The following EGFLAM variants were observed in gnomAD, a reference collection of about 807,000 sequenced individuals.
EGFLAM encodes the protein pikachurin.
Under a neutral mutation model 113.1 loss-of-function variants are expected in EGFLAM, and 79 were observed. The ratio of observed to expected loss-of-function variants is 0.70; its 90% CI spans 0.58 to 0.84. EGFLAM has a LOEUF of 0.84. EGFLAM is among the 40% of genes least tolerant of loss of function. The probability of loss-of-function intolerance (pLI) is 0.00; values close to 1 mark genes in which losing one functional copy is unlikely to be tolerated. For synonymous variants in EGFLAM, 504 were observed against 487.6 expected, an observed-to-expected ratio of 1.03 and a Z score of -0.44; for missense variants, 1,265 against 1,291.6, an observed-to-expected ratio of 0.98 and a Z score of 0.32.
intron 6 of EGFLAM, among the ~76,000 whole-genome samples, chr5:38,370,947 G>C (rs1004490084): frequency 2.6e-5 from 4 of 152,182 alleles, no homozygotes; most frequent in Non-Finnish European, 5.9e-5. Flanking sequence ...AGCTGGGGCT[G>C]TAGCCAATGG....
chr5:38,376,970 C>T (rs538007819), intron 6 of EGFLAM, among the ~76,000 whole-genome samples: 52 of 151,958 alleles, frequency 3.4e-4, no homozygotes, highest in Non-Finnish European at 7.4e-4. Flanking sequence ...GTGCTCGACC[C>T]CAGGCTTCTG....
At chr5:38,362,979 A>G (rs1338177978) in intron 5 of EGFLAM, among the ~76,000 whole-genome samples, 3 of 152,158 alleles carry the variant, frequency 2.0e-5, no homozygotes, top group Non-Finnish European at 4.4e-5. Context: ...GTGCTCTCCT[A>G]TTGCCCCACC....
In EGFLAM at chr5:38,324,322, C is replaced by T. The variant is rs527548478; in HGVS notation, c.98-13198C>T. ...GTTCACCACCTTTCTGTACCTAAAA[C>T]TTATCTCTAGCCCATAGGCGGTCCC... is the stretch of plus-strand genomic sequence containing the variant. On this transcript the variant is annotated intron_variant, in intron 1 of 21. Transcript: ENST00000322350. Among the ~76,000 whole-genome samples the T allele has an allele frequency of 2.1e-3, 320 of 152,288 alleles. 3 individuals are homozygous for T. Among genetic ancestry groups the T allele is most frequent in the Non-Finnish European group, 1.3e-3 (89 of 68,028 alleles).
At chr5:38,417,376 A>C (rs1456629277) in intron 11 of EGFLAM, among the ~76,000 whole-genome samples, 3 of 151,588 alleles carry the variant, frequency 2.0e-5, no homozygotes, top group Non-Finnish European at 2.9e-5. Flanking sequence ...AAAACAAAAA[A>C]AAAAGGCCAA....
At chr5:38,419,426 TC>T (rs1007094012) in intron 12 of EGFLAM, among the ~76,000 whole-genome samples, 5 of 152,098 alleles carry the variant, frequency 3.3e-5, no homozygotes, top group Admixed American at 1.3e-4. Flanking sequence ...GAATCTCTTT[TC>T]CCTCCATCTC....
intron 1 of EGFLAM, among the ~76,000 whole-genome samples, chr5:38,319,288 CT>C (rs1312583989): frequency 2.0e-5 from 3 of 152,128 alleles, no homozygotes; most frequent in East Asian, 3.9e-4. Context: ...GCTTGACCCC[CT>C]GATTTCTTTT....
rs1016321335 is a variant in EGFLAM, at chr5:38,447,157, C to T, written c.2465-1144C>T. Reference sequence around the variant, plus strand: ...GCCTCATCCCCCGTTCATGACATCACACACAGCTACTTAAACTCTTCTTTT... The same window carrying T: ...GCCTCATCCCCCGTTCATGACATCATACACAGCTACTTAAACTCTTCTTTT... On this transcript the variant is annotated intron_variant, in intron 17 of 21. Transcript: ENST00000322350. Among the ~76,000 whole-genome samples the T allele has an allele frequency of 2.6e-5, 4 of 152,186 alleles. No individual in the cohort carries two copies. In the East Asian group the frequency reaches 7.7e-4, roughly 29 times the overall value.
At chr5:38,454,293 C>T (rs545816419) in intron 19 of EGFLAM, among the ~76,000 whole-genome samples, 18 of 152,266 alleles carry the variant, frequency 1.2e-4, no homozygotes, top group African/African-American at 4.3e-4. Flanking sequence ...CCGGGTGTTT[C>T]CGGGACCCAT....
intron 17 of EGFLAM, 22 bp from the exon 18 acceptor site, chr5:38,448,279 T>C (rs902744901): frequency 5.6e-6 from 9 of 1,613,976 alleles, no homozygotes; most frequent in Admixed American, 1.7e-5. Flanking sequence ...CTATGTAACC[T>C]CCTTTTTCTG....
rs1461608711 is a variant in EGFLAM, at chr5:38,462,926, G to A, written c.2790G>A (p.Lys930=). 1.2e-6 allele frequency: 2 copies of A among 1,614,182 alleles called. No homozygotes were observed. The highest frequency in any genetic ancestry group is 2.2e-5 in the East Asian group (1 of 44,884). ...TTTGCAGGGATGGCCAGTCAGGAAA[G>A]ATAACCGTGGATGACTATGGAGCCA... ...VKAVRDGQSG[K]ITVDDYGART... is the part of the protein sequence containing the mutation. Residue 930 remains lysine (K), a synonymous_variant, in exon 21 of 22, where the codon AAG becomes AAA. Coordinates refer to ENST00000322350, the MANE Select transcript of EGFLAM (RefSeq NM_152403.4).
chr5:38,403,925 G>C, intron 6 of EGFLAM: 1 of 1,613,610 alleles, frequency 6.2e-7, no homozygotes, highest in South Asian at 1.1e-5. Flanking sequence ...TGAATTTTCA[G>C]TTGACAGGTG....
chr5:38,431,099 T>C (rs1742171865), intron 14 of EGFLAM, 78 bp from the exon 15 acceptor site: 2 of 1,233,134 alleles, frequency 1.6e-6, no homozygotes, highest in Non-Finnish European at 2.3e-6. Flanking sequence ...CCAGAAATAA[T>C]GTTGTACCAG....
chr5:38,392,490 G>C (rs1333608158), intron 6 of EGFLAM, among the ~76,000 whole-genome samples: 2 of 152,074 alleles, frequency 1.3e-5, no homozygotes, highest in Non-Finnish European at 2.9e-5. Context: ...GGCATTGCTG[G>C]GTTGAATGGT....
intron 5 of EGFLAM, among the ~76,000 whole-genome samples, chr5:38,355,281 T>C (rs1401944430): frequency 6.6e-6 from 1 of 152,214 alleles, no homozygotes; most frequent in Non-Finnish European, 1.5e-5. Context: ...ATGGATCCAC[T>C]GGCTTCTTCC....
intron 10 of EGFLAM, 34 bp downstream of exon 10, chr5:38,409,138 T>C (rs1741389973): frequency 6.7e-7 from 1 of 1,486,922 alleles, no homozygotes; most frequent in South Asian, 1.3e-5. Context: ...ACTCTTTTTT[T>C]GTTACATTAT....
At chr5:38,329,659 C>T (rs1738989861) in intron 1 of EGFLAM, among the ~76,000 whole-genome samples, 1 of 152,136 alleles carries the variant, frequency 6.6e-6, no homozygotes, top group Non-Finnish European at 1.5e-5. Flanking sequence ...GTGGTTCGTC[C>T]CCCAGTTCTT....
At chr5:38,283,207 G>T (rs1027415172) in intron 1 of EGFLAM, among the ~76,000 whole-genome samples, 1 of 152,106 alleles carries the variant, frequency 6.6e-6, no homozygotes, top group Middle Eastern at 3.4e-3. Context: ...TGAATGACCC[G>T]TTCTCCAATT....
chr5:38,454,959 T>C (rs372036470), intron 19 of EGFLAM, among the ~76,000 whole-genome samples: 6 of 152,144 alleles, frequency 3.9e-5, no homozygotes, highest in East Asian at 3.9e-4. Context: ...TGAAAATGAG[T>C]GTGTTTTTCT....
rs77752180 is a variant in EGFLAM, at chr5:38,260,665, C to T, written c.97+1814C>T. ...GAGATAGAAGTGTTTAGACTAGGTTCAACCTAGAAGAGTTTTATTTTTATT... is the reference window on the plus strand; with the variant it reads ...GAGATAGAAGTGTTTAGACTAGGTTTAACCTAGAAGAGTTTTATTTTTATT... On this transcript the variant is annotated intron_variant, in intron 1 of 21. Transcript: ENST00000322350. Among the ~76,000 whole-genome samples, 12 of 152,326 alleles carry T rather than the reference C, an allele frequency of 7.9e-5. No individual in the cohort carries two copies. The East Asian group carries it at 1.9e-3, about 24-fold the overall frequency.
Sources: allele counts gnomAD v4.1 joint callset (sites outside exome capture counted in the v4.1 genomes callset), GRCh38; gene constraint gnomAD v4.1.1; transcripts MANE v1.5; gene names NCBI Gene and HGNC (gene_info 2026-07-23, HGNC 2026-07-21).